Variants in DTD1 observed in about 807,000 individuals in gnomAD.
DTD1 encodes D-tyrosyl-tRNA deacylase 1 homolog.
A neutral mutation model predicts 25.6 loss-of-function variants in DTD1; 13 were observed. That is an observed-to-expected ratio of 0.51 (90% CI 0.33 to 0.81). DTD1 has a LOEUF of 0.81. Among genes scored for constraint, DTD1 ranks in the 30% least tolerant of loss-of-function variants. The pLI is 0.02. For synonymous variants in DTD1, 110 were observed against 103.6 expected (o/e 1.06, Z -0.37); for missense variants, 193 against 266.4 (o/e 0.72, Z 1.92).
intron 5 of DTD1, among the ~76,000 whole-genome samples, chr20:18,748,763 C>T (rs146774825): frequency 4.6e-5 from 7 of 152,294 alleles, no homozygotes; most frequent in East Asian, 1.9e-4. Context: ...GCTTCTCTCA[C>T]GTTAATGACA....
At chr20:18,705,328 C>T (rs1189296687) in intron 4 of DTD1, among the ~76,000 whole-genome samples, 1 of 152,124 alleles carries the variant, frequency 6.6e-6, no homozygotes, top group Non-Finnish European at 1.5e-5. Flanking sequence ...ACTATCCTCA[C>T]ACGTGGACAT....
intron 4 of DTD1, among the ~76,000 whole-genome samples, chr20:18,701,003 T>C (rs2061102468): frequency 6.6e-6 from 1 of 152,244 alleles, no homozygotes; most frequent in African/African-American, 2.4e-5. Flanking sequence ...TTTTTCACAA[T>C]GGTCAGTACA....
At chr20:18,611,468 G>T (rs551696990) in intron 3 of DTD1, among the ~76,000 whole-genome samples, 1 of 152,258 alleles carries the variant, frequency 6.6e-6, no homozygotes, top group Non-Finnish European at 1.5e-5. Context: ...ACTTTAAAAC[G>T]TAAAGTTTAA....
chr20:18,675,042 A>T (rs1351733713), intron 4 of DTD1: 3 of 152,258 alleles, frequency 2.0e-5, no homozygotes, highest in Admixed American at 6.5e-5. Context: ...GGGGTGTCTC[A>T]TGAGATTCCA....
At chr20:18,653,790 T>C (rs947056683) in intron 4 of DTD1, among the ~76,000 whole-genome samples, 1 of 152,216 alleles carries the variant, frequency 6.6e-6, no homozygotes, top group Non-Finnish European at 1.5e-5. Flanking sequence ...GAAATTGTTA[T>C]ATGTGAAGGA....
intron 4 of DTD1, among the ~76,000 whole-genome samples, chr20:18,665,419 C>A (rs2060928031): frequency 6.6e-6 from 1 of 152,206 alleles, no homozygotes; most frequent in Admixed American, 6.5e-5. Context: ...TCAGGTATCC[C>A]CTTGAGGAGT....
chr20:18,624,487 G>A (rs1177921876), intron 3 of DTD1, among the ~76,000 whole-genome samples: 1 of 152,180 alleles, frequency 6.6e-6, no homozygotes, highest in East Asian at 1.9e-4. Context: ...CATGAGCTCA[G>A]AAGCCACCTC....
chr20:18,744,001 A>T, intron 4 of DTD1, 99 bp from the exon 5 acceptor site: 1 of 1,359,208 alleles, frequency 7.4e-7, no homozygotes, highest in Non-Finnish European at 9.8e-7. Flanking sequence ...TCAGAAAAAA[A>T]CTTTTCAATG....
At chr20:18,657,000 A>G (rs781665415) in intron 4 of DTD1, among the ~76,000 whole-genome samples, 4 of 152,324 alleles carry the variant, frequency 2.6e-5, no homozygotes, top group Non-Finnish European at 5.9e-5. Flanking sequence ...CCTTTATTCA[A>G]CTTTCCTTAA....
At chr20:18,732,873 C>T (rs542597561) in intron 4 of DTD1, among the ~76,000 whole-genome samples, 6 of 152,318 alleles carry the variant, frequency 3.9e-5, no homozygotes, top group South Asian at 2.1e-4. Flanking sequence ...CCTGAACATC[C>T]GCCATGGCCT....
intron 4 of DTD1, among the ~76,000 whole-genome samples, chr20:18,704,898 C>T (rs1474077843): frequency 6.6e-6 from 1 of 152,198 alleles, no homozygotes; most frequent in African/African-American, 2.4e-5. Flanking sequence ...TTTGCCTGCA[C>T]ACTCTGCCAA....
chr20:18,638,015 C>T (rs770813862), intron 4 of DTD1, among the ~76,000 whole-genome samples: 4 of 152,216 alleles, frequency 2.6e-5, no homozygotes, highest in African/African-American at 4.8e-5. Flanking sequence ...CCCATCCAGG[C>T]GAGGCCTTTC....
Position 18,628,262 on chromosome 20 carries a change from G to C in DTD1, c.477+29G>C, listed in dbSNP as rs78934288. 1.9e-5 allele frequency: 29 copies of C among 1,565,348 alleles called. No homozygotes were observed. The South Asian group carries it at 3.1e-4, about 17-fold the overall frequency. On this transcript the variant is annotated intron_variant, in intron 4 of 5. Transcript: ENST00000377452. ...AGCCTGGAGTCTGGTGCCTGGCTCC[G>C]TCCCTTGGGTGCCTGTAACATCCCT...
At chr20:18,756,988 C>G (rs1328250630) in intron 5 of DTD1, among the ~76,000 whole-genome samples, 2 of 148,654 alleles carry the variant, frequency 1.3e-5, no homozygotes, top group African/African-American at 4.9e-5. Context: ...TCCTTCACAT[C>G]CCTTGTAAGT....
chr20:18,758,229 G>C (rs2061347331), intron 5 of DTD1, among the ~76,000 whole-genome samples: 1 of 152,042 alleles, frequency 6.6e-6, no homozygotes, highest in Admixed American at 6.5e-5. Context: ...CCAGCTCCTG[G>C]ATTCATTGAT....
chr20:18,745,195 C>T (rs1332109261), intron 5 of DTD1, among the ~76,000 whole-genome samples: 1 of 152,214 alleles, frequency 6.6e-6, no homozygotes, highest in Non-Finnish European at 1.5e-5. Flanking sequence ...CACAGTGCCC[C>T]GTGTGGCACT....
At chr20:18,720,084 A>T (rs1037121643) in intron 4 of DTD1, among the ~76,000 whole-genome samples, 3 of 152,238 alleles carry the variant, frequency 2.0e-5, no homozygotes, top group African/African-American at 7.2e-5. Flanking sequence ...ACATGTAAAT[A>T]ACATCAGAGT....
chr20:18,629,241 C>T (rs957593006), intron 4 of DTD1, among the ~76,000 whole-genome samples: 1 of 150,790 alleles, frequency 6.6e-6, no homozygotes, highest in Non-Finnish European at 1.5e-5. Context: ...GGTGATCTGC[C>T]TGCCACGGCC....
chr20:18,745,382 T>C (rs567362941), intron 5 of DTD1, among the ~76,000 whole-genome samples: 19 of 152,282 alleles, frequency 1.2e-4, no homozygotes, highest in Admixed American at 2.0e-4. Flanking sequence ...CTGGACCAAA[T>C]ACTGGGTGCA....
Sources: allele counts gnomAD v4.1 joint callset (sites outside exome capture counted in the v4.1 genomes callset), GRCh38; gene constraint gnomAD v4.1.1; transcripts MANE v1.5; gene names NCBI Gene and HGNC (gene_info 2026-07-23, HGNC 2026-07-21).